The following TAF11L2 variants were observed in gnomAD, a reference collection of about 807,000 sequenced individuals.
The protein encoded by TAF11L2 is TATA-box binding protein associated factor 11 like protein 2.
At chr5:17,498,458 C>G (rs980895455) in exon 1 of TAF11L2, 46 of 399,104 alleles carry the variant, frequency 1.2e-4, no homozygotes, top group Non-Finnish European at 2.0e-4. Context: ...AAACAGATAC[C>G]AAAGGAAAGA....
At chr5:17,498,692 G>A (rs1189248085) in exon 1 of TAF11L2, 8 of 398,652 alleles carry the variant, frequency 2.0e-5, no homozygotes, top group Non-Finnish European at 3.1e-5. Context: ...GAGAGGTGGT[G>A]GAAGAGGCCC....
chr5:17,498,252 G>C, exon 1 of TAF11L2: 1 of 398,572 alleles, frequency 2.5e-6, no homozygotes. Flanking sequence ...CAGGCAAACA[G>C]GTGTGTCTGC....
At chr5:17,498,423 G>C in exon 1 of TAF11L2, 1 of 399,014 alleles carries the variant, frequency 2.5e-6, no homozygotes, top group African/African-American at 2.1e-5. Context: ...CTCAGCCTCA[G>C]CTCCTCCTGC....
chr5:17,498,535 C>T (rs1339664193), exon 1 of TAF11L2: 3 of 398,810 alleles, frequency 7.5e-6, no homozygotes, highest in Non-Finnish European at 1.3e-5. Flanking sequence ...TCTGCCATGT[C>T]TGAGGAGCAG....
the TAF11L2 span, chr5:17,498,593 C>A: frequency 2.5e-6 from 1 of 398,842 alleles, no homozygotes; most frequent in East Asian, 3.6e-5. Context: ...CAAAAGCATG[C>A]ATTGCGGGTC....
At chr5:17,498,708 G>T in exon 1 of TAF11L2, 1 of 398,716 alleles carries the variant, frequency 2.5e-6, no homozygotes, top group African/African-American at 2.1e-5. Flanking sequence ...GGCCCTGGAC[G>T]TGTGTGAGAT....
exon 1 of TAF11L2, chr5:17,498,294 G>T: frequency 2.5e-6 from 1 of 398,582 alleles, no homozygotes. Flanking sequence ...AGATCTGAAG[G>T]GCAGCAAGAA....
chr5:17,498,444 C>T (rs755992167), exon 1 of TAF11L2: 34 of 399,148 alleles, frequency 8.5e-5, no homozygotes, highest in African/African-American at 5.8e-4. Flanking sequence ...AGCCAAAAGA[C>T]GGAAAACAGA....
exon 1 of TAF11L2, chr5:17,498,439 A>C: frequency 2.5e-6 from 1 of 399,156 alleles, no homozygotes; most frequent in Non-Finnish European, 4.4e-6. Flanking sequence ...CCTGCAGCCA[A>C]AAGACGGAAA....
chr5:17,498,599 G>A (rs1159142445), exon 1 of TAF11L2: 9 of 398,700 alleles, frequency 2.3e-5, no homozygotes, highest in East Asian at 1.4e-4. Flanking sequence ...CATGCATTGC[G>A]GGTCTGATGC....
chr5:17,498,733 C>A (rs1738269865), exon 1 of TAF11L2: 1 of 398,562 alleles, frequency 2.5e-6, no homozygotes, highest in Non-Finnish European at 4.4e-6. Context: ...GGAGAAATGC[C>A]CCCACTGCAG....
chr5:17,498,419 C>T (rs569589550), exon 1 of TAF11L2: 4 of 398,970 alleles, frequency 1.0e-5, no homozygotes, highest in South Asian at 1.3e-4. Context: ...AGGCCTCAGC[C>T]TCAGCTCCTC....
At chr5:17,498,567 C>G (rs188906500) in exon 1 of TAF11L2, 5,257 of 398,842 alleles carry the variant, frequency 0.013, 66 homozygotes, top group Non-Finnish European at 0.015. Context: ...CGAAGTGTGT[C>G]GCCGGTCAGC....
exon 1 of TAF11L2, chr5:17,498,471 G>A: frequency 2.5e-6 from 1 of 399,188 alleles, no homozygotes; most frequent in Non-Finnish European, 4.4e-6. Flanking sequence ...AGGAAAGAAG[G>A]AGAGGAAGCC....
chr5:17,498,482 C>T (rs1738262397), exon 1 of TAF11L2: 2 of 398,882 alleles, frequency 5.0e-6, no homozygotes, highest in Non-Finnish European at 8.8e-6. Context: ...AGAGGAAGCC[C>T]ACTGTGGATG....
chr5:17,498,631 T>C (rs1360627665), exon 1 of TAF11L2: 8 of 398,538 alleles, frequency 2.0e-5, no homozygotes, highest in Non-Finnish European at 3.1e-5. Flanking sequence ...GGCAGATCGG[T>C]GTCTGAGAAC....
chr5:17,498,719 G>A (rs1485694855), exon 1 of TAF11L2: 7 of 398,564 alleles, frequency 1.8e-5, no homozygotes, highest in Non-Finnish European at 8.8e-6. Flanking sequence ...TGTGTGAGAT[G>A]TGGGGAGAAA....
chr5:17,498,302 G>C (rs200626135), exon 1 of TAF11L2: 1 of 398,666 alleles, frequency 2.5e-6, no homozygotes. Flanking sequence ...AGGGCAGCAA[G>C]AAGGATGGAA....
At chr5:17,498,570 C>T (rs1269990541) in exon 1 of TAF11L2, 9 of 398,718 alleles carry the variant, frequency 2.3e-5, no homozygotes, top group African/African-American at 6.2e-5. Context: ...AGTGTGTCGC[C>T]GGTCAGCTTT....
Sources: allele counts gnomAD v4.1 joint callset, GRCh38; gene constraint gnomAD v4.1.1; transcripts MANE v1.5; gene names NCBI Gene and HGNC (gene_info 2026-07-23, HGNC 2026-07-21).